Variants in LCT observed in about 807,000 individuals in gnomAD.
LCT encodes lactase, also known as lactase/phlorizin hydrolase.
LCT carries 90 observed loss-of-function variants against 173.0 expected under a neutral mutation model. The ratio of observed to expected loss-of-function variants is 0.52; its 90% CI spans 0.44 to 0.62. The LOEUF is 0.62. Ranked by LOEUF, LCT falls within the 20% of genes least tolerant of loss-of-function variation. The pLI is 0.00. For synonymous variants in LCT, 853 were observed against 957.6 expected (o/e 0.89, Z 2.02); for missense variants, 1,864 against 2,431.4 (o/e 0.77, Z 4.91).
chr2:135,801,406 A>AT (rs2105526192), intron 11 of LCT, among the ~76,000 whole-genome samples: 1 of 152,174 alleles, frequency 6.6e-6, no homozygotes, highest in South Asian at 2.1e-4. Flanking sequence ...TGTACAAATG[A>AT]TTTTTTAAAA....
intron 6 of LCT, among the ~76,000 whole-genome samples, chr2:135,814,663 C>T (rs1575342069): frequency 6.6e-6 from 1 of 151,810 alleles, no homozygotes; most frequent in Non-Finnish European, 1.5e-5. Flanking sequence ...ACTACAGGTG[C>T]CCGCCACCAT....
intron 13 of LCT, 139 bp downstream of exon 13, chr2:135,797,890 G>T: frequency 1.4e-6 from 1 of 697,268 alleles, no homozygotes; most frequent in Non-Finnish European, 2.6e-6. Flanking sequence ...GCAGTGCCAG[G>T]TGCTGGGCTA....
intron 7 of LCT, 121 bp downstream of exon 7, chr2:135,812,190 C>T (rs1364098446): frequency 3.5e-6 from 3 of 848,398 alleles, no homozygotes; most frequent in African/African-American, 3.3e-5. Context: ...GGACTCCCCA[C>T]TATTATGCTT....
chr2:135,799,725 C>T (rs1180061503), intron 12 of LCT, among the ~76,000 whole-genome samples: 2 of 152,184 alleles, frequency 1.3e-5, no homozygotes, highest in East Asian at 3.9e-4. Context: ...GCTGGGATTA[C>T]AGGCGTGAGC....
chr2:135,825,704 C>A (rs1248689402), intron 3 of LCT, among the ~76,000 whole-genome samples: 1 of 152,166 alleles, frequency 6.6e-6, no homozygotes, highest in African/African-American at 2.4e-5. Flanking sequence ...CAGCTGTGTG[C>A]CGTTGGGGAG....
intron 5 of LCT, among the ~76,000 whole-genome samples, chr2:135,818,640 C>G (rs2077801711): frequency 6.6e-6 from 1 of 152,136 alleles, no homozygotes; most frequent in Non-Finnish European, 1.5e-5. Flanking sequence ...AAGTTCGAGA[C>G]CAGACTGACC....
rs748853956 is a variant in LCT, at chr2:135,809,918, C to A, written c.2429G>T (p.Gly810Val). ...GTGCAGGCCAAACCGCTGGCTGTAA[C>A]CAGAAGGGCCTTCGAAGCCATCAAT... ...SLIDGFEGPS[G>V]YSQRFGLHHV... The change falls in exon 8 of 17, where the codon GGT (glycine) becomes GTT (valine). Residue 810 changes from glycine (G) to valine (V), a missense_variant. Gly to Val is a moderately radical substitution (Grantham distance 109, BLOSUM62 -3). This residue lies in a region of LCT where 755 missense variants were observed against 926.3 expected (regional missense o/e 0.82). Transcript: ENST00000264162. This position sits in a 1 kb window ranked among gnomAD's most constrained non-coding sequence, Gnocchi z 5.5. 1 of 1,614,148 alleles carries A rather than the reference C, an allele frequency of 6.2e-7. No individual in the cohort carries two copies. The highest frequency in any genetic ancestry group is 8.5e-7 in the Non-Finnish European group (1 of 1,180,010).
In LCT at chr2:135,800,766, G is replaced by A; in HGVS notation, c.4707C>T (p.His1569=). Residue 1569 remains histidine (H), a synonymous_variant, in exon 12 of 17, where the codon CAC becomes CAT. Coordinates refer to ENST00000264162, the MANE Select transcript of LCT (RefSeq NM_002299.4). The part of the protein sequence containing the change: ...RPGTAPYIVG[H]NLIKAHAEAW... ...CCTCAGCATGAGCCTTTATTAGATT[G>A]TGGCCAACAATGTAGGGGGCAGTGC... is the stretch of plus-strand genomic sequence containing the variant. 6.2e-7 allele frequency: 1 copy of A among 1,614,110 alleles called. No individual in the cohort carries two copies. Among genetic ancestry groups the A allele is most frequent in the Non-Finnish European group, 8.5e-7 (1 of 1,180,018 alleles).
At chr2:135,829,249 G>A (rs1042556766) in intron 3 of LCT, among the ~76,000 whole-genome samples, 11 of 152,090 alleles carry the variant, frequency 7.2e-5, no homozygotes, top group African/African-American at 1.9e-4. Flanking sequence ...TTAAGTGGAC[G>A]CTTATCGTTA....
In LCT at chr2:135,812,402, C is replaced by A. The variant is rs2077741620; in HGVS notation, c.2262G>T (p.Gly754=). The A allele has an allele frequency of 6.2e-7, 1 of 1,614,112 alleles. No individual in the cohort carries two copies. Among genetic ancestry groups the A allele is most frequent in the South Asian group, 1.1e-5 (1 of 91,086 alleles). The change falls in exon 7 of 17, where the codon GGG becomes GGT. Residue 754 remains glycine, a synonymous_variant. Coordinates refer to ENST00000264162, the MANE Select transcript of LCT (RefSeq NM_002299.4). ...TRGKVPIYLA[G]NGMPIGESEN... ...CACTTTCCCCTATGGGCATGCCATTCCCGGCAAGGTATATTGGAACTTTTC... is the reference window on the plus strand; with the variant it reads ...CACTTTCCCCTATGGGCATGCCATTACCGGCAAGGTATATTGGAACTTTTC...
intron 5 of LCT, among the ~76,000 whole-genome samples, chr2:135,821,125 C>T (rs192328201): frequency 0.016 from 2,362 of 152,326 alleles, 67 homozygotes; most frequent in African/African-American, 0.054. Context: ...TCGTGATCCA[C>T]CCGCCTCAGC....
chr2:135,790,797 G>T lies in LCT; in HGVS notation c.5196C>A (p.Ile1732=). The part of the protein sequence containing the change: ...LKMTPFGFRR[I]LNWLKEEYND... ...TGTATTCCTCCTTTAACCAGTTCAG[G>T]ATCCTCCTGAAGCCAAAAGGCGTCA... The change falls in exon 15 of 17, where the codon ATC becomes ATA. Residue 1732 remains isoleucine, a synonymous_variant. Transcript: ENST00000264162. This position sits in a 1 kb window ranked among gnomAD's most constrained non-coding sequence, Gnocchi z 4.1. 1 of 1,614,018 alleles carries T rather than the reference G, an allele frequency of 6.2e-7. No homozygotes were observed. The highest frequency in any genetic ancestry group is 1.3e-5 in the African/African-American group (1 of 74,984).
rs367727872 is a variant in LCT, at chr2:135,809,729, G to A, written c.2618C>T (p.Pro873Leu). The A allele has an allele frequency of 3.0e-5, 48 of 1,614,108 alleles. No individual in the cohort carries two copies. The highest frequency in any genetic ancestry group is 4.0e-5 in the Non-Finnish European group (47 of 1,180,048). ...TTTAGCCTTGGAGGGCACCTCAGATGGAAAAGTGAAGGCTCTGACTTTGGA... is the reference window on the plus strand; with the variant it reads ...TTTAGCCTTGGAGGGCACCTCAGATAGAAAAGTGAAGGCTCTGACTTTGGA... The part of the protein sequence containing the change: ...LPSKVRAFTF[P>L]SEVPSKAKVV... The change falls in exon 8 of 17, where the codon CCA (proline) becomes CTA (leucine). Residue 873 changes from proline to leucine, a missense_variant. This residue lies in a region of LCT where 755 missense variants were observed against 926.3 expected (regional missense o/e 0.82). Transcript: ENST00000264162. The surrounding 1 kb of genome is among the most constrained non-coding windows in gnomAD (Gnocchi z 5.5).
At chr2:135,821,777 A>G in intron 5 of LCT, 1 of 519,190 alleles carries the variant, frequency 1.9e-6, no homozygotes, top group Non-Finnish European at 3.5e-6. Flanking sequence ...GGTGTGAGCC[A>G]TCATGCTAGT....
intron 12 of LCT, among the ~76,000 whole-genome samples, chr2:135,798,932 G>C (rs1364489651): frequency 6.6e-6 from 1 of 152,152 alleles, no homozygotes. Flanking sequence ...TCTAATAAGA[G>C]ATGCATCTGT....
intron 14 of LCT, among the ~76,000 whole-genome samples, chr2:135,794,174 G>A (rs957405680): frequency 9.9e-5 from 15 of 150,944 alleles, no homozygotes; most frequent in Middle Eastern, 3.5e-3. Flanking sequence ...TTACTTAAAA[G>A]GTGAACCAAA....
intron 10 of LCT, among the ~76,000 whole-genome samples, chr2:135,804,547 T>A (rs2077652518): frequency 6.6e-6 from 1 of 152,182 alleles, no homozygotes; most frequent in Admixed American, 6.5e-5. Context: ...CTGGGCATGG[T>A]GATGCGTGCC....
chr2:135,808,292 A>G lies in LCT; in HGVS notation c.3904+151T>C, dbSNP rs934511042. 3 of 793,544 alleles carry G rather than the reference A, an allele frequency of 3.8e-6. No individual in the cohort carries two copies. In the South Asian group the frequency reaches 4.2e-5, roughly 11 times the overall value. 49.2% of individuals were successfully genotyped at this position (793,544 alleles called of 1,614,324 possible). On this transcript the variant is annotated intron_variant, in intron 8 of 16. Coordinates refer to ENST00000264162, the MANE Select transcript of LCT (RefSeq NM_002299.4). ...TTTTTCCCCCAGCTTCTCAAGGAAC[A>G]TATAACCCCCAAACAGATAAAGAAT...
In LCT at chr2:135,805,040, T is replaced by C. The variant is rs2077658596; in HGVS notation, c.4191A>G (p.Arg1397=). Residue 1397 remains arginine, a synonymous_variant, in exon 10 of 17, where the codon AGA becomes AGG. Transcript: ENST00000264162. ...SAAYQIEGAW[R]ADGKGLSIWD... ...AAATGCTGAGTCCTTTGCCATCTGCTCTCCACGCACCTTCAATCTCAAGAT... is the reference window on the plus strand; with the variant it reads ...AAATGCTGAGTCCTTTGCCATCTGCCCTCCACGCACCTTCAATCTCAAGAT... The C allele has an allele frequency of 6.2e-7, 1 of 1,614,140 alleles. No homozygotes were observed. The highest frequency in any genetic ancestry group is 8.5e-7 in the Non-Finnish European group (1 of 1,180,010).
Sources: allele counts gnomAD v4.1 joint callset (sites outside exome capture counted in the v4.1 genomes callset), GRCh38; gene constraint gnomAD v4.1.1; regional missense constraint gnomAD v4.1.1; non-coding constraint Gnocchi (gnomAD v3.1); transcripts MANE v1.5; gene names NCBI Gene and HGNC (gene_info 2026-07-23, HGNC 2026-07-21).